HYLS1: variants seen among roughly 807,000 people sequenced by gnomAD.
The protein encoded by HYLS1 is centriolar and ciliogenesis-associated protein HYLS1.
HYLS1 carries 25 observed loss-of-function variants against 29.4 expected under a neutral mutation model. The observed-to-expected ratio is 0.85, with a 90% CI of 0.62 to 1.19. The LOEUF (loss-of-function observed/expected upper bound fraction) is 1.19. HYLS1 is among the 50% of genes most tolerant of loss of function. HYLS1 has a pLI of 0.00. For missense variants in HYLS1, 352 were observed against 365.1 expected (o/e 0.96, Z 0.29); for synonymous variants, 128 against 126.7 (o/e 1.01, Z -0.07).
At chr11:125,896,387 C>G (rs1232375572) in intron 2 of HYLS1, 4 of 1,143,474 alleles carry the variant, frequency 3.5e-6, no homozygotes, top group Non-Finnish European at 5.0e-6. Context: ...TGATGATGTT[C>G]TAATGGTATA....
upstream of HYLS1, among the ~76,000 whole-genome samples, chr11:125,884,488 A>G (rs550422194): frequency 2.0e-5 from 3 of 152,296 alleles, no homozygotes; most frequent in South Asian, 4.1e-4. Context: ...GGGTGCCTGT[A>G]GTCCCAGCTA....
chr11:125,899,823 A>G lies in HYLS1; in HGVS notation c.455A>G (p.Gln152Arg). 6.2e-7 allele frequency: 1 copy of G among 1,614,236 alleles called. No homozygotes were observed. The highest frequency in any genetic ancestry group is 8.5e-7 in the Non-Finnish European group (1 of 1,180,046). ...EDKESSFDVS[Q>R]KFNLPHEYQG... is the part of the protein sequence containing the mutation. ...AAGGAATCTTCATTTGATGTTTCAC[A>G]AAAATTTAACCTACCACATGAATAC... Residue 152 changes from glutamine (Q) to arginine (R), a missense_variant, in exon 3 of 3, where the codon CAA (glutamine) becomes CGA (arginine). Transcript: ENST00000425380.
intron 2 of HYLS1, chr11:125,895,658 T>C (rs1343391368): frequency 6.2e-7 from 1 of 1,614,218 alleles, no homozygotes; most frequent in South Asian, 1.1e-5. Context: ...TACGGATGTC[T>C]GGAGGGAGTA....
intron 2 of HYLS1, chr11:125,895,717 C>T (rs759530579): frequency 8.1e-6 from 13 of 1,613,518 alleles, no homozygotes; most frequent in Non-Finnish European, 7.6e-6. Flanking sequence ...GCAGCATTAG[C>T]CTCCTCTTTT....
Position 125,900,594 on chromosome 11 carries a change from T to C in HYLS1, c.*326T>C. 1 of 337,848 alleles carries C rather than the reference T, an allele frequency of 3.0e-6. No individual in the cohort carries two copies. Among genetic ancestry groups the C allele is most frequent in the Non-Finnish European group, 5.8e-6 (1 of 171,260 alleles). The allele number at this position is 337,848 out of a possible 1,614,324, so 20.9% of individuals were successfully genotyped here. The stretch of plus-strand genomic sequence containing the variant: ...ATGAGTTGCTGTGCTTCAGTGTGTG[T>C]TTTTTAAGTTGCTGGGCATTACACT... On this transcript the variant is annotated 3_prime_UTR_variant, in exon 3 of 3. Coordinates refer to ENST00000425380, the MANE Select transcript of HYLS1 (RefSeq NM_001134793.2).
In HYLS1 at chr11:125,899,834, C is replaced by G. The variant is rs1158194992; in HGVS notation, c.466C>G (p.Leu156Val). Residue 156 changes from leucine to valine, a missense_variant, in exon 3 of 3, where the codon CTA becomes GTA. By Grantham distance (32) the Leu-to-Val change is conservative (BLOSUM62 1). Coordinates refer to ENST00000425380, the MANE Select transcript of HYLS1 (RefSeq NM_001134793.2). ...ATTTGATGTTTCACAAAAATTTAACCTACCACATGAATACCAAGGAATTTC... is the reference window on the plus strand; with the variant it reads ...ATTTGATGTTTCACAAAAATTTAACGTACCACATGAATACCAAGGAATTTC... Reference protein sequence around the residue: ...SSFDVSQKFNLPHEYQGISQD... With the variant: ...SSFDVSQKFNVPHEYQGISQD... The G allele has an allele frequency of 1.2e-6, 2 of 1,614,168 alleles. No individual in the cohort carries two copies. Among genetic ancestry groups the G allele is most frequent in the South Asian group, 1.1e-5 (1 of 91,078 alleles).
chr11:125,885,809 C>A (rs1213600544), upstream of HYLS1, among the ~76,000 whole-genome samples: 1 of 152,204 alleles, frequency 6.6e-6, no homozygotes, highest in Non-Finnish European at 1.5e-5. Flanking sequence ...GTCGCATGAA[C>A]AGGGGTGTTA....
chr11:125,888,724 G>A lies in HYLS1; in HGVS notation c.-76+959G>A, dbSNP rs1343441131. The stretch of plus-strand genomic sequence containing the variant: ...GGAGAGGTTGCAGTGAGCCGAGATC[G>A]CGCCACTGCACTCCAGCCTGGGCGA... On this transcript the variant is annotated intron_variant, in intron 1 of 2. Transcript: ENST00000425380. Among the ~76,000 whole-genome samples the A allele has an allele frequency of 4.8e-5, 7 of 146,364 alleles. No homozygotes were observed. In the East Asian group the frequency reaches 1.2e-3, roughly 25 times the overall value.
intron 1 of HYLS1, chr11:125,888,396 T>A (rs563316379): frequency 1.7e-4 from 26 of 151,964 alleles, no homozygotes; most frequent in Non-Finnish European, 2.8e-4. Flanking sequence ...GCTGAGAGAG[T>A]GAAGAAATGA....
chr11:125,887,646 C>T (rs1944328755), upstream of HYLS1: 1 of 152,376 alleles, frequency 6.6e-6, no homozygotes, highest in Non-Finnish European at 1.5e-5. Context: ...CGGTTAACCG[C>T]AGGCTCGGCG....
intron 2 of HYLS1, chr11:125,896,204 T>C: frequency 6.2e-7 from 1 of 1,614,210 alleles, no homozygotes; most frequent in African/African-American, 1.3e-5. Flanking sequence ...CCTTTTTAAG[T>C]CTTTGCACCT....
chr11:125,891,897 C>A (rs1944418569), intron 2 of HYLS1, among the ~76,000 whole-genome samples: 2 of 152,068 alleles, frequency 1.3e-5, no homozygotes, highest in Admixed American at 1.3e-4. Context: ...TGTGGTCCAC[C>A]CCCCTTCTGT....
At chr11:125,898,098 A>T (rs771110535) in intron 2 of HYLS1, among the ~76,000 whole-genome samples, 3 of 151,380 alleles carry the variant, frequency 2.0e-5, no homozygotes, top group South Asian at 4.2e-4. Flanking sequence ...TTACGGTATT[A>T]AAAAAAAATG....
At position 125,896,238 on chromosome 11, in the gene HYLS1, T is replaced by C. The variant is rs1565454364; in HGVS notation, c.-25-3106T>C. 1.9e-6 allele frequency: 3 copies of C among 1,613,716 alleles called. No individual in the cohort carries two copies. In the South Asian group the frequency reaches 3.3e-5, roughly 18 times the overall value. ...CTCTTGCTCCAGTTCTCGTACTCTTTTTAGGAGCTTCTCAGTCTGGTTTCT... is the reference window on the plus strand; with the variant it reads ...CTCTTGCTCCAGTTCTCGTACTCTTCTTAGGAGCTTCTCAGTCTGGTTTCT... On this transcript the variant is annotated intron_variant, in intron 2 of 2. Coordinates refer to ENST00000425380, the MANE Select transcript of HYLS1 (RefSeq NM_001134793.2).
Position 125,899,391 on chromosome 11 carries a change from GAC to G in HYLS1, c.25_26del (p.Gln9AsnfsTer4). On this transcript the variant is annotated frameshift_variant, in exon 3 of 3. Coordinates refer to ENST00000425380, the MANE Select transcript of HYLS1 (RefSeq NM_001134793.2). LOFTEE classifies it high-confidence loss of function. ...GCAATGGAAGAACTTCTACCTGATG[GAC>G]AAATATGGGCTAATATGGATCCAGA... The G allele has an allele frequency of 6.2e-7, 1 of 1,614,176 alleles. No individual in the cohort carries two copies. The highest frequency in any genetic ancestry group is 8.5e-7 in the Non-Finnish European group (1 of 1,180,024).
At chr11:125,889,685 C>T (rs754715015) in intron 1 of HYLS1, among the ~76,000 whole-genome samples, 3 of 151,942 alleles carry the variant, frequency 2.0e-5, no homozygotes, top group Non-Finnish European at 2.9e-5. Flanking sequence ...TGCGGTGAGC[C>T]GAGATCAGGC....
At chr11:125,885,708 C>G (rs775617204), upstream of HYLS1, among the ~76,000 whole-genome samples, 2 of 152,252 alleles carry the variant, frequency 1.3e-5, no homozygotes, top group Non-Finnish European at 2.9e-5. Context: ...CACCTAGGAA[C>G]CAGGCCGCAA....
At chr11:125,895,819 T>G in intron 2 of HYLS1, 1 of 1,581,746 alleles carries the variant, frequency 6.3e-7, no homozygotes, top group Non-Finnish European at 8.6e-7. Flanking sequence ...TACTGGGTTT[T>G]AGAGACACAA....
chr11:125,899,708 AT>A lies in HYLS1; in HGVS notation c.342del (p.Ile115SerfsTer17). The A allele has an allele frequency of 6.2e-7, 1 of 1,614,206 alleles. No individual in the cohort carries two copies. Among genetic ancestry groups the A allele is most frequent in the South Asian group, 1.1e-5 (1 of 91,086 alleles). ...GGAAGTATTAGTAACAGATGAGTCG[AT>A]TATCAGTGAATCAGAATCTGGTACA... is the stretch of plus-strand genomic sequence containing the variant. ...DGEVLVTDES[I>X]ISESESGTEN... On this transcript the variant is annotated frameshift_variant, in exon 3 of 3. Coordinates refer to ENST00000425380, the MANE Select transcript of HYLS1 (RefSeq NM_001134793.2). LOFTEE classifies it high-confidence loss of function.
Sources: gnomAD v4.1 joint callset for allele counts (sites outside exome capture counted in the v4.1 genomes callset) on GRCh38, gnomAD v4.1.1 for gene constraint, MANE v1.5 for transcripts, NCBI Gene and HGNC (gene_info 2026-07-23, HGNC 2026-07-21) for gene names.